Variants in NCKAP5 observed in about 807,000 individuals in gnomAD.
The protein encoded by NCKAP5 is NCK associated protein 5, also known as nck-associated protein 5.
NCKAP5 carries 92 observed loss-of-function variants against 167.0 expected under a neutral mutation model. That is an observed-to-expected ratio of 0.55 (90% CI 0.47 to 0.66). The LOEUF (loss-of-function observed/expected upper bound fraction) is 0.66, where lower values mean the gene tolerates loss of function less well. Ranked by LOEUF, NCKAP5 falls within the 30% of genes least tolerant of loss-of-function variation. NCKAP5 has a pLI of 0.00. For synonymous variants in NCKAP5, 891 were observed against 877.4 expected (o/e 1.02, Z -0.27); for missense variants, 2,378 against 2,315.0 (o/e 1.03, Z -0.56).
intron 6 of NCKAP5, among the ~76,000 whole-genome samples, chr2:133,037,948 T>C (rs1231200577): frequency 1.3e-5 from 2 of 151,970 alleles, no homozygotes; most frequent in East Asian, 1.9e-4. Context: ...ATGGCTTACA[T>C]CCAAAAGATA....
At chr2:132,789,709 T>C (rs951767606) in intron 13 of NCKAP5, among the ~76,000 whole-genome samples, 1 of 152,194 alleles carries the variant, frequency 6.6e-6, no homozygotes, top group Non-Finnish European at 1.5e-5. Flanking sequence ...ACTGTGCAGA[T>C]GGGAGTCATT....
At chr2:133,334,790 A>G (rs777265859) in intron 3 of NCKAP5, among the ~76,000 whole-genome samples, 16 of 152,168 alleles carry the variant, frequency 1.1e-4, no homozygotes, top group Admixed American at 8.5e-4. Context: ...ATAATTAGCA[A>G]AATTCCTGAA....
At chr2:132,823,332 A>G (rs543402936) in intron 11 of NCKAP5, among the ~76,000 whole-genome samples, 1 of 152,196 alleles carries the variant, frequency 6.6e-6, no homozygotes, top group Non-Finnish European at 1.5e-5. Flanking sequence ...ATGAAAACCT[A>G]TCAAATTAAC....
chr2:133,159,299 T>C (rs1052971744), intron 5 of NCKAP5, among the ~76,000 whole-genome samples: 3 of 152,116 alleles, frequency 2.0e-5, no homozygotes, highest in African/African-American at 7.2e-5. Context: ...GGGAACCAGA[T>C]TCTGCCAACA....
chr2:133,040,853 C>T (rs973610036), intron 6 of NCKAP5, among the ~76,000 whole-genome samples: 1 of 152,130 alleles, frequency 6.6e-6, no homozygotes, highest in Non-Finnish European at 1.5e-5. Flanking sequence ...ATATTTCAGA[C>T]ATGCAATACA....
chr2:133,194,883 A>T (rs2085372496), intron 5 of NCKAP5, among the ~76,000 whole-genome samples: 1 of 151,464 alleles, frequency 6.6e-6, no homozygotes, highest in East Asian at 1.9e-4. Flanking sequence ...ATAGGTATAT[A>T]TGAAAAAAAT....
intron 19 of NCKAP5, among the ~76,000 whole-genome samples, chr2:132,712,569 G>A (rs35239628): frequency 0.25 from 38,221 of 151,854 alleles, 5,666 homozygotes; most frequent in East Asian, 0.42. Context: ...GGAGAATGGC[G>A]TGAACCCGGA....
At chr2:133,396,361 T>A (rs1236309893) in intron 3 of NCKAP5, among the ~76,000 whole-genome samples, 1 of 152,096 alleles carries the variant, frequency 6.6e-6, no homozygotes, top group African/African-American at 2.4e-5. Flanking sequence ...CAGCTCGTTT[T>A]CACCAAACAA....
chr2:132,847,259 T>C (rs891704530), intron 11 of NCKAP5, among the ~76,000 whole-genome samples: 3 of 152,198 alleles, frequency 2.0e-5, no homozygotes, highest in Non-Finnish European at 2.9e-5. Context: ...ATTAAATAGT[T>C]ATTATTGGTA....
At chr2:133,219,512 G>A in intron 4 of NCKAP5, among the ~76,000 whole-genome samples, 1 of 152,238 alleles carries the variant, frequency 6.6e-6, no homozygotes, top group East Asian at 1.9e-4. Context: ...GGCAAAGCCA[G>A]TGGCAGCTAA....
chr2:133,672,229 AG>A, the NCKAP5 span, among the ~76,000 whole-genome samples: 1 of 151,660 alleles, frequency 6.6e-6, no homozygotes, highest in South Asian at 2.1e-4. Context: ...AAGATGGGGA[AG>A]GGTTTGTTGA....
chr2:133,332,749 CCTG>C (rs1259356478), intron 3 of NCKAP5, among the ~76,000 whole-genome samples: 2 of 152,092 alleles, frequency 1.3e-5, no homozygotes. Context: ...TTTCTTTTAC[CCTG>C]CTATTTGCTC....
At chr2:133,463,899 G>A (rs566054291) in intron 3 of NCKAP5, among the ~76,000 whole-genome samples, 6 of 152,186 alleles carry the variant, frequency 3.9e-5, no homozygotes, top group Non-Finnish European at 8.8e-5. Flanking sequence ...TGAGGTTCTT[G>A]CATCAGATAT....
rs113903781 is a variant in NCKAP5, at chr2:133,432,929, T to C, written c.69+84529A>G. 5.2e-3 allele frequency among the ~76,000 whole-genome samples: 789 copies of C among 152,332 alleles called. 5 individuals are homozygous for C. Among genetic ancestry groups the C allele is most frequent in the African/African-American group, 0.018 (741 of 41,576 alleles). ...TTTAAACACTGCTGTGATGAATATC[T>C]TTATTTTTGTGATCTCTCCATATGT... On this transcript the variant is annotated intron_variant, in intron 3 of 19. Coordinates refer to ENST00000409261, the MANE Select transcript of NCKAP5 (RefSeq NM_207363.3).
intron 2 of NCKAP5, among the ~76,000 whole-genome samples, chr2:133,551,109 G>C (rs1687253821): frequency 6.6e-6 from 1 of 151,628 alleles, no homozygotes; most frequent in African/African-American, 2.4e-5. Context: ...ACAAACAAAT[G>C]GAAGAACATT....
At chr2:132,841,655 ATATACTCTAT>A (rs1688305482) in intron 11 of NCKAP5, among the ~76,000 whole-genome samples, 1 of 152,042 alleles carries the variant, frequency 6.6e-6, no homozygotes, top group Non-Finnish European at 1.5e-5. Context: ...CTGTTGTTAT[ATATACTCTAT>A]TATACTTAAT....
rs77962891 is a variant in NCKAP5, at chr2:132,839,499, G to A, written c.807+20993C>T. ...CAAATGGTGGAGTGCAACAGCTCAT[G>A]CCTGTAATCCCAACACTTCAGGAGG... On this transcript the variant is annotated intron_variant, in intron 11 of 19. Coordinates refer to ENST00000409261, the MANE Select transcript of NCKAP5 (RefSeq NM_207363.3). Among the ~76,000 whole-genome samples the A allele has an allele frequency of 5.9e-5, 9 of 152,230 alleles. No individual in the cohort carries two copies. In the East Asian group the frequency reaches 1.7e-3, roughly 29 times the overall value.
chr2:132,776,107 T>G (rs532429811), intron 15 of NCKAP5, among the ~76,000 whole-genome samples: 1 of 152,208 alleles, frequency 6.6e-6, no homozygotes, highest in Non-Finnish European at 1.5e-5. Flanking sequence ...CTGATTCCTA[T>G]TCATTGCTAT....
chr2:133,085,118 C>T (rs1402083936), intron 6 of NCKAP5, among the ~76,000 whole-genome samples: 2 of 152,120 alleles, frequency 1.3e-5, no homozygotes, highest in African/African-American at 4.8e-5. Context: ...TTTTGGCCTG[C>T]AAACTGTAGT....
Sources: allele counts gnomAD v4.1 joint callset (sites outside exome capture counted in the v4.1 genomes callset), GRCh38; gene constraint gnomAD v4.1.1; transcripts MANE v1.5; gene names NCBI Gene and HGNC (gene_info 2026-07-23, HGNC 2026-07-21).